Variants in EYS observed in about 807,000 individuals in gnomAD.
EYS encodes the protein EGF-like photoreceptor maintenance factor.
In EYS, 250 loss-of-function variants were observed where a neutral mutation model predicts 282.1. The ratio of observed to expected loss-of-function variants is 0.89; its 90% CI spans 0.80 to 0.98. EYS has a LOEUF of 0.98. Ranked by LOEUF, EYS falls within the 50% of genes least tolerant of loss-of-function variation. The pLI, the probability that EYS is intolerant of heterozygous loss-of-function variation, is 0.00. For missense variants in EYS, 4,016 were observed against 3,709.0 expected (o/e 1.08, Z -2.15); for synonymous variants, 1,355 against 1,282.9 (o/e 1.06, Z -1.20).
chr6:65,292,837 A>C lies in EYS; in HGVS notation c.2023+3026T>G, dbSNP rs573461624. Among the ~76,000 whole-genome samples the C allele has an allele frequency of 2.0e-4, 31 of 151,896 alleles. No homozygotes were observed. The South Asian group carries it at 6.2e-3, about 30-fold the overall frequency. ...GAATTTAAACAGTTTTGTGTTGCCAAGGTAACTTAGACCTAAAAATAGAAT... is the reference window on the plus strand; with the variant it reads ...GAATTTAAACAGTTTTGTGTTGCCACGGTAACTTAGACCTAAAAATAGAAT... On this transcript the variant is annotated intron_variant, in intron 12 of 42. Transcript: ENST00000503581.
At chr6:65,073,697 C>T (rs147224287) in intron 12 of EYS, among the ~76,000 whole-genome samples, 124 of 148,838 alleles carry the variant, frequency 8.3e-4, no homozygotes, top group African/African-American at 2.9e-3. Context: ...TTTTGTTGTC[C>T]CTTATTTTAT....
chr6:64,574,539 G>A (rs958593421), intron 26 of EYS, among the ~76,000 whole-genome samples: 2 of 152,032 alleles, frequency 1.3e-5, no homozygotes, highest in Admixed American at 1.3e-4. Context: ...AGAGTCTCAG[G>A]GTAAGAAGAT....
At chr6:64,291,307 ATTG>A (rs1218881137) in intron 30 of EYS, among the ~76,000 whole-genome samples, 10 of 152,060 alleles carry the variant, frequency 6.6e-5, no homozygotes, top group Admixed American at 6.6e-4. Context: ...CAATCTTTTT[ATTG>A]TTTATAGTAA....
chr6:64,547,098 G>A (rs1764898908), intron 26 of EYS, among the ~76,000 whole-genome samples: 1 of 152,150 alleles, frequency 6.6e-6, no homozygotes, highest in African/African-American at 2.4e-5. Flanking sequence ...TGCTGGCTCA[G>A]GAGTGAAGCT....
In EYS at chr6:64,432,885, T is replaced by C. The variant is rs78680756; in HGVS notation, c.5927+3289A>G. On this transcript the variant is annotated intron_variant, in intron 28 of 42. Coordinates refer to ENST00000503581, the MANE Select transcript of EYS (RefSeq NM_001142800.2). Reference sequence around the variant, plus strand: ...TTTGACTGTCCCTTTCATTAAAATATGAGCACCAGCTATAGTTAATTTCTC... The same window carrying C: ...TTTGACTGTCCCTTTCATTAAAATACGAGCACCAGCTATAGTTAATTTCTC... Among the ~76,000 whole-genome samples the C allele has an allele frequency of 8.0e-3, 1,225 of 152,196 alleles. 6 individuals carry two copies. Among genetic ancestry groups the C allele is most frequent in the Non-Finnish European group, 0.01 (687 of 67,970 alleles).
At chr6:64,655,361 AAG>A (rs1768708381) in intron 22 of EYS, among the ~76,000 whole-genome samples, 1 of 20,120 alleles carries the variant, frequency 5.0e-5, no homozygotes, top group Non-Finnish European at 9.6e-5. Flanking sequence ...TTTCTGCTCA[AAG>A]TCTAATAATG....
intron 35 of EYS, among the ~76,000 whole-genome samples, chr6:63,981,205 T>A (rs551555527): frequency 3.3e-5 from 5 of 151,894 alleles, no homozygotes; most frequent in Admixed American, 6.6e-5. Flanking sequence ...CCTTTTTGGA[T>A]TACTGCACAA....
intron 22 of EYS, among the ~76,000 whole-genome samples, chr6:64,646,667 G>A (rs866979022): frequency 7.6e-4 from 115 of 152,070 alleles, no homozygotes; most frequent in African/African-American, 2.4e-3. Context: ...TTAGCCGGGC[G>A]TGGTGGCGGG....
At chr6:65,434,012 C>G (rs1215291626) in intron 5 of EYS, among the ~76,000 whole-genome samples, 1 of 152,198 alleles carries the variant, frequency 6.6e-6, no homozygotes, top group African/African-American at 2.4e-5. Context: ...ATCACACTTT[C>G]AACAGAAATA....
At chr6:64,837,987 A>G (rs954478661) in intron 19 of EYS, among the ~76,000 whole-genome samples, 7 of 151,742 alleles carry the variant, frequency 4.6e-5, no homozygotes, top group African/African-American at 1.7e-4. Flanking sequence ...CTGCACTTAT[A>G]TCTCTTAAAT....
intron 24 of EYS, among the ~76,000 whole-genome samples, chr6:64,605,745 C>G (rs552246000): frequency 6.7e-4 from 102 of 151,888 alleles, no homozygotes; most frequent in African/African-American, 2.4e-3. Flanking sequence ...TTGATCTTTC[C>G]TACTATTTTG....
chr6:64,218,028 T>C (rs1263058721), intron 31 of EYS, among the ~76,000 whole-genome samples: 2 of 152,118 alleles, frequency 1.3e-5, no homozygotes, highest in African/African-American at 4.8e-5. Flanking sequence ...TTGGGAGGAC[T>C]AGACACATGA....
At chr6:64,868,675 G>A (rs943085903) in intron 19 of EYS, among the ~76,000 whole-genome samples, 2 of 151,518 alleles carry the variant, frequency 1.3e-5, no homozygotes, top group South Asian at 2.1e-4. Context: ...TATGGAAGGA[G>A]GATATTCAGA....
intron 1 of EYS, among the ~76,000 whole-genome samples, chr6:65,703,775 A>C (rs1769768661): frequency 6.6e-6 from 1 of 152,124 alleles, no homozygotes; most frequent in South Asian, 2.1e-4. Flanking sequence ...TATTTTATTG[A>C]TATTTGGGAC....
At chr6:63,967,888 G>T (rs917262269) in intron 35 of EYS, among the ~76,000 whole-genome samples, 5 of 151,986 alleles carry the variant, frequency 3.3e-5, no homozygotes, top group Non-Finnish European at 4.4e-5. Context: ...AGCTCGTATT[G>T]GTATCTCCTC....
chr6:65,349,643 C>T (rs976666140), intron 9 of EYS, among the ~76,000 whole-genome samples: 1 of 151,310 alleles, frequency 6.6e-6, no homozygotes, highest in African/African-American at 2.4e-5. Flanking sequence ...TATGCATTAC[C>T]TCATATAGTT....
At chr6:65,656,060 A>G (rs986376184) in intron 1 of EYS, among the ~76,000 whole-genome samples, 6 of 151,910 alleles carry the variant, frequency 3.9e-5, no homozygotes, top group East Asian at 1.9e-4. Context: ...TGGTGTTACC[A>G]TTGTAATTGT....
intron 4 of EYS, chr6:65,491,649 G>C (rs947183408): frequency 1.3e-5 from 5 of 395,406 alleles, no homozygotes; most frequent in Non-Finnish European, 2.5e-5. Context: ...TGTTTCAAAA[G>C]GTTCTCCAAA....
intron 41 of EYS, among the ~76,000 whole-genome samples, chr6:63,746,593 C>T (rs1769215235): frequency 6.6e-6 from 1 of 152,192 alleles, no homozygotes; most frequent in South Asian, 2.1e-4. Context: ...ATTGCTGCCT[C>T]AATTTTAGAA....
Sources: gnomAD v4.1 joint callset for allele counts (sites outside exome capture counted in the v4.1 genomes callset) on GRCh38, gnomAD v4.1.1 for gene constraint, MANE v1.5 for transcripts, NCBI Gene and HGNC (gene_info 2026-07-23, HGNC 2026-07-21) for gene names.